Variants in POLN observed in about 807,000 individuals in gnomAD.
POLN encodes DNA polymerase N.
POLN carries 108 observed loss-of-function variants against 113.5 expected under a neutral mutation model. That is an observed-to-expected ratio of 0.95 (90% CI 0.81 to 1.12). The LOEUF (loss-of-function observed/expected upper bound fraction) is 1.12. POLN is among the 50% of genes most tolerant of loss of function. The pLI, the probability that POLN is intolerant of heterozygous loss-of-function variation, is 0.00. For synonymous variants in POLN, 386 were observed against 391.5 expected, an observed-to-expected ratio of 0.99 and a Z score of 0.17; for missense variants, 1,097 against 1,077.1, an observed-to-expected ratio of 1.02 and a Z score of -0.26.
At chr4:2,180,762 A>G (rs1733118326) in intron 7 of POLN, among the ~76,000 whole-genome samples, 1 of 152,264 alleles carries the variant, frequency 6.6e-6, no homozygotes, top group South Asian at 2.1e-4. Flanking sequence ...CAGTATAAGA[A>G]TGCTCTGGGA....
chr4:2,217,988 T>C (rs528772336), intron 3 of POLN, among the ~76,000 whole-genome samples: 31 of 152,340 alleles, frequency 2.0e-4, no homozygotes, highest in African/African-American at 7.0e-4. Flanking sequence ...TCATTCTTAA[T>C]GCTTCATTCT....
chr4:2,211,298 TAA>T (rs1217494697), intron 4 of POLN, among the ~76,000 whole-genome samples: 2 of 143,334 alleles, frequency 1.4e-5, no homozygotes, highest in South Asian at 2.2e-4. Flanking sequence ...ATAATAATAA[TAA>T]GAGGATTGTG....
chr4:2,160,465 C>T (rs1009982035), intron 13 of POLN, among the ~76,000 whole-genome samples: 1 of 151,770 alleles, frequency 6.6e-6, no homozygotes, highest in African/African-American at 2.4e-5. Context: ...GGAGTGAAGT[C>T]GTGCAATCAT....
At chr4:2,201,497 CAAAGAAA>C (rs1733714819) in intron 5 of POLN, among the ~76,000 whole-genome samples, 1 of 151,122 alleles carries the variant, frequency 6.6e-6, no homozygotes, top group South Asian at 2.1e-4. Context: ...CCAACAAAGA[CAAAGAAA>C]AAAGAAAAAG....
At chr4:2,137,529 A>C (rs1280587961) in intron 16 of POLN, among the ~76,000 whole-genome samples, 1 of 152,152 alleles carries the variant, frequency 6.6e-6, no homozygotes, top group African/African-American at 2.4e-5. Flanking sequence ...CTGCAGCCTG[A>C]AGGGCAGTGT....
chr4:2,236,419 CT>C (rs1560104524), intron 2 of POLN: 1 of 1,613,022 alleles, frequency 6.2e-7, no homozygotes, highest in Admixed American at 1.7e-5. Flanking sequence ...AGAAACAATT[CT>C]TTTTTCTTAT....
At chr4:2,078,707 A>G (rs1039120936) in intron 23 of POLN, 18 of 985,296 alleles carry the variant, frequency 1.8e-5, no homozygotes, top group Non-Finnish European at 2.0e-5. Context: ...AACACAGACC[A>G]TGTGCCCAAT....
At chr4:2,226,133 T>C (rs1015756307) in intron 3 of POLN, among the ~76,000 whole-genome samples, 2 of 152,156 alleles carry the variant, frequency 1.3e-5, no homozygotes, top group Non-Finnish European at 2.9e-5. Context: ...ACTGTTATCA[T>C]TTGCAGGGTT....
chr4:2,233,409 T>C (rs1309678733), intron 2 of POLN, among the ~76,000 whole-genome samples: 1 of 151,226 alleles, frequency 6.6e-6, no homozygotes, highest in Non-Finnish European at 1.5e-5. Flanking sequence ...TAGAGTGAGA[T>C]TACCATATTT....
At chr4:2,119,545 T>C (rs937376912) in intron 19 of POLN, among the ~76,000 whole-genome samples, 1 of 152,224 alleles carries the variant, frequency 6.6e-6, no homozygotes, top group Non-Finnish European at 1.5e-5. Context: ...ATTGTGGCTT[T>C]ATAGTTGATT....
chr4:2,134,300 T>C (rs1295144774), intron 16 of POLN, among the ~76,000 whole-genome samples: 4 of 152,248 alleles, frequency 2.6e-5, no homozygotes, highest in Non-Finnish European at 5.9e-5. Context: ...TTGGTGATTA[T>C]GAATAAAGAT....
intron 23 of POLN, chr4:2,079,950 C>T (rs1177853646): frequency 5.1e-6 from 5 of 985,416 alleles, no homozygotes; most frequent in Non-Finnish European, 6.0e-6. Context: ...GAAAGCAGCA[C>T]TGAGAGCCCA....
intron 2 of POLN, chr4:2,240,405 C>A: frequency 1.2e-6 from 2 of 1,612,790 alleles, no homozygotes. Context: ...ATTAGAATGT[C>A]TGAAGAACAT....
intron 20 of POLN, among the ~76,000 whole-genome samples, chr4:2,091,386 A>G (rs1205073996): frequency 6.6e-6 from 1 of 152,106 alleles, no homozygotes; most frequent in Non-Finnish European, 1.5e-5. Context: ...TGGTGGCTCC[A>G]CAAGCAGCAG....
intron 19 of POLN, among the ~76,000 whole-genome samples, chr4:2,118,296 C>T (rs1390724361): frequency 6.6e-6 from 1 of 152,126 alleles, no homozygotes; most frequent in Non-Finnish European, 1.5e-5. Flanking sequence ...TTTTAATTGG[C>T]CTTTGTTGCT....
Position 2,131,216 on chromosome 4 carries a change from A to G in POLN, c.1789+17T>C, listed in dbSNP as rs1126406. ...GAGTTACCAGAGACTTTAGCAAGGT[A>G]GTAAGAAATGAGTTACCTTTAAAAT... is the stretch of plus-strand genomic sequence containing the variant. On this transcript the variant is annotated intron_variant, in intron 17 of 25. Transcript: ENST00000511885. 28,253 of 1,545,370 alleles carry G rather than the reference A, an allele frequency of 0.018. 430 individuals are homozygous for G. The highest frequency in any genetic ancestry group is 0.019 in the Non-Finnish European group (21,796 of 1,120,676).
intron 16 of POLN, among the ~76,000 whole-genome samples, chr4:2,147,643 C>CTTTTT (rs747184067): frequency 1.0e-4 from 8 of 79,364 alleles, no homozygotes; most frequent in East Asian, 3.2e-4. Flanking sequence ...TTTTTCTTTT[C>CTTTTT]TTTTTTTTTT....
At chr4:2,229,021 C>T in intron 3 of POLN, 78 bp downstream of exon 3, 2 of 1,410,232 alleles carry the variant, frequency 1.4e-6, no homozygotes, top group East Asian at 4.7e-5. Flanking sequence ...TACATGCATT[C>T]CATTTTCAAT....
intron 19 of POLN, among the ~76,000 whole-genome samples, chr4:2,097,972 G>C (rs1730837130): frequency 6.6e-6 from 1 of 152,244 alleles, no homozygotes; most frequent in Non-Finnish European, 1.5e-5. Flanking sequence ...TGACATCCCA[G>C]ACTTCACTGA....
Sources: gnomAD v4.1 joint callset for allele counts (sites outside exome capture counted in the v4.1 genomes callset) on GRCh38, gnomAD v4.1.1 for gene constraint, MANE v1.5 for transcripts, NCBI Gene and HGNC (gene_info 2026-07-23, HGNC 2026-07-21) for gene names.